USP54: variants seen among roughly 807,000 people sequenced by gnomAD.
USP54 encodes ubiquitin carboxyl-terminal hydrolase 54.
A neutral mutation model predicts 170.5 loss-of-function variants in USP54; 87 were observed. The ratio of observed to expected loss-of-function variants is 0.51; its 90% CI spans 0.43 to 0.61. The LOEUF (loss-of-function observed/expected upper bound fraction) is 0.61. Ranked by LOEUF, USP54 falls within the 20% of genes least tolerant of loss-of-function variation. USP54 has a pLI of 0.00. For synonymous variants in USP54, 655 were observed against 742.8 expected (o/e 0.88, Z 1.92); for missense variants, 1,786 against 2,047.8 (o/e 0.87, Z 2.47).
intron 7 of USP54, 112 bp from the exon 8 acceptor site, chr10:73,541,850 T>C (rs1405676658): frequency 3.0e-5 from 31 of 1,029,428 alleles, no homozygotes; most frequent in Non-Finnish European, 4.3e-5. Flanking sequence ...CTGCCCCCTA[T>C]ACCAAAGCCC....
intron 5 of USP54, among the ~76,000 whole-genome samples, chr10:73,545,158 A>T (rs2067502860): frequency 6.6e-6 from 1 of 152,176 alleles, no homozygotes; most frequent in Admixed American, 6.5e-5. Context: ...CTGATTAATT[A>T]TCTTTAGAAA....
chr10:73,587,954 T>G (rs2077715046), intron 1 of USP54, among the ~76,000 whole-genome samples: 1 of 152,094 alleles, frequency 6.6e-6, no homozygotes. Context: ...AACAAAATAA[T>G]GTACGCAGAA....
At chr10:73,520,139 G>C in intron 18 of USP54, 147 bp from the exon 19 acceptor site, 5 of 1,140,192 alleles carry the variant, frequency 4.4e-6, no homozygotes, top group Non-Finnish European at 6.1e-6. Flanking sequence ...TGCATATGCT[G>C]TCCAGGGCAC....
At chr10:73,605,017 CAG>C (rs775451295) in intron 1 of USP54, among the ~76,000 whole-genome samples, 24 of 152,162 alleles carry the variant, frequency 1.6e-4, no homozygotes, top group Admixed American at 2.6e-4. Context: ...TCCATTTTTA[CAG>C]AGTGCTGAAT....
At chr10:73,559,837 G>A (rs1163374580) in intron 4 of USP54, among the ~76,000 whole-genome samples, 1 of 152,024 alleles carries the variant, frequency 6.6e-6, no homozygotes, top group Admixed American at 6.6e-5. Context: ...AGGCCAAGGA[G>A]GGCAGATAGC....
At chr10:73,533,456 G>T (rs946253077) in intron 12 of USP54, among the ~76,000 whole-genome samples, 8 of 151,738 alleles carry the variant, frequency 5.3e-5, no homozygotes, top group Non-Finnish European at 7.4e-5. Context: ...AACTAGACTG[G>T]CCATGAGTTA....
At position 73,539,584 on chromosome 10, in the gene USP54, T is replaced by G; in HGVS notation, c.835A>C (p.Arg279=). The part of the protein sequence containing the change: ...TCLKLGDLFF[R]VTDDRAKQSE... Reference sequence around the variant, plus strand: ...TGCTTGGCCCGGTCATCCGTCACTCTGAAAAACAGCTGAGGGGAAAGAAGA... The same window carrying G: ...TGCTTGGCCCGGTCATCCGTCACTCGGAAAAACAGCTGAGGGGAAAGAAGA... The change falls in exon 10 of 24, where the codon AGA becomes CGA. Residue 279 remains arginine (R), a synonymous_variant. Coordinates refer to ENST00000687698, the MANE Select transcript of USP54 (RefSeq NM_001391956.1). The G allele has an allele frequency of 1.3e-6, 2 of 1,597,716 alleles. No individual in the cohort carries two copies. Among genetic ancestry groups the G allele is most frequent in the Non-Finnish European group, 1.7e-6 (2 of 1,169,508 alleles).
chr10:73,584,001 G>A (rs913224891), intron 1 of USP54, among the ~76,000 whole-genome samples: 3 of 152,116 alleles, frequency 2.0e-5, no homozygotes, highest in Admixed American at 6.6e-5. Context: ...ATTCACTGAA[G>A]AAGATGGAAC....
Position 73,517,673 on chromosome 10 carries a change from C to A in USP54, c.2753G>T (p.Gly918Val). Residue 918 changes from glycine (G) to valine (V), a missense_variant, in exon 20 of 24, where the codon GGG becomes GTG. Coordinates refer to ENST00000687698, the MANE Select transcript of USP54 (RefSeq NM_001391956.1). Reference sequence around the variant, plus strand: ...AGGTGAATGGAAGAAAGAACTGGCCCCAAACTCTGTATCCATGCCGGATTC... The same window carrying A: ...AGGTGAATGGAAGAAAGAACTGGCCACAAACTCTGTATCCATGCCGGATTC... Reference protein sequence around the residue: ...QLESGMDTEFGASSFFHSPAS... With the variant: ...QLESGMDTEFVASSFFHSPAS... The A allele has an allele frequency of 1.2e-6, 2 of 1,614,138 alleles. No homozygotes were observed. The highest frequency in any genetic ancestry group is 1.7e-6 in the Non-Finnish European group (2 of 1,180,040).
intron 4 of USP54, among the ~76,000 whole-genome samples, chr10:73,567,753 T>C (rs983631482): frequency 2.0e-5 from 3 of 152,200 alleles, no homozygotes; most frequent in Admixed American, 2.0e-4. Context: ...TTCTGACTTA[T>C]CAGTAGATTG....
At chr10:73,545,515 G>C in intron 5 of USP54, 23 bp downstream of exon 5, 1 of 1,612,948 alleles carries the variant, frequency 6.2e-7, no homozygotes, top group South Asian at 1.1e-5. Context: ...CCATATCAAA[G>C]AGGGCCAGAG....
upstream of USP54, among the ~76,000 whole-genome samples, chr10:73,592,298 G>A (rs2078326379): frequency 6.6e-6 from 1 of 152,030 alleles, no homozygotes. Context: ...AAGGTCTGTT[G>A]TGTTTCTATA....
rs371906531 is a variant in USP54, at chr10:73,519,573, A to G, written c.2678+224T>C. The G allele has an allele frequency of 1.9e-3, 1,152 of 620,594 alleles. 15 individuals carry two copies. In the South Asian group the frequency reaches 0.021, roughly 11 times the overall value. The allele number at this position is 620,594 out of a possible 1,614,324, so 38.4% of individuals were successfully genotyped here. ...AAGTTACCCATGGGAAATGTGGACA[A>G]ATGGTCTTATTATGCTGTACTTTTT... On this transcript the variant is annotated intron_variant, in intron 19 of 23. Coordinates refer to ENST00000687698, the MANE Select transcript of USP54 (RefSeq NM_001391956.1).
intron 20 of USP54, among the ~76,000 whole-genome samples, chr10:73,509,978 A>C (rs897363342): frequency 6.6e-6 from 1 of 152,104 alleles, no homozygotes; most frequent in Non-Finnish European, 1.5e-5. Flanking sequence ...ACAAAGCAAG[A>C]CCTTGTCTCA....
chr10:73,558,882 T>C (rs1180595247), intron 4 of USP54, among the ~76,000 whole-genome samples: 1 of 152,198 alleles, frequency 6.6e-6, no homozygotes, highest in Non-Finnish European at 1.5e-5. Flanking sequence ...TATTAATACA[T>C]AGACTACTAT....
intron 1 of USP54, among the ~76,000 whole-genome samples, chr10:73,584,842 C>T (rs2077297789): frequency 6.6e-6 from 1 of 152,044 alleles, no homozygotes; most frequent in Non-Finnish European, 1.5e-5. Flanking sequence ...TATTTAGAAA[C>T]AGAGGGCCTG....
intron 4 of USP54, among the ~76,000 whole-genome samples, chr10:73,563,589 C>T (rs2073583697): frequency 6.6e-6 from 1 of 152,090 alleles, no homozygotes; most frequent in Non-Finnish European, 1.5e-5. Flanking sequence ...AGGCATGCAC[C>T]ACCACGCCCA....
At chr10:73,532,647 T>A (rs1372106011) in intron 12 of USP54, among the ~76,000 whole-genome samples, 1 of 152,070 alleles carries the variant, frequency 6.6e-6, no homozygotes, top group Non-Finnish European at 1.5e-5. Flanking sequence ...GCAGTAGTCA[T>A]CAAAAGAAAG....
chr10:73,588,549 T>C (rs187916465), intron 1 of USP54, among the ~76,000 whole-genome samples: 1 of 152,338 alleles, frequency 6.6e-6, no homozygotes, highest in East Asian at 1.9e-4. Context: ...CTAAAACCAG[T>C]GCATTCTCAA....
Sources: gnomAD v4.1 joint callset for allele counts (sites outside exome capture counted in the v4.1 genomes callset) on GRCh38, gnomAD v4.1.1 for gene constraint, MANE v1.5 for transcripts, NCBI Gene and HGNC (gene_info 2026-07-23, HGNC 2026-07-21) for gene names.